UGT1A10: variants seen among roughly 807,000 people sequenced by gnomAD.
UGT1A10 encodes the protein UDP glucuronosyltransferase family 1 member A10.
Under a neutral mutation model 45.8 loss-of-function variants are expected in UGT1A10, and 49 were observed. That is an observed-to-expected ratio of 1.07 (90% confidence interval 0.85 to 1.36). UGT1A10 has a LOEUF of 1.36. Among genes scored for constraint, UGT1A10 ranks in the 40% most tolerant of loss-of-function variants. UGT1A10 has a pLI of 0.00. For missense variants in UGT1A10, 745 were observed against 668.6 expected (o/e 1.11, Z -1.26); for synonymous variants, 284 against 249.7 (o/e 1.14, Z -1.29).
chr2:233,751,561 A>T (rs1575707240), intron 1 of UGT1A10, among the ~76,000 whole-genome samples: 1 of 152,202 alleles, frequency 6.6e-6, no homozygotes, highest in African/African-American at 2.4e-5. Flanking sequence ...TCTCATCTCA[A>T]ATTGTAATCT....
intron 1 of UGT1A10, among the ~76,000 whole-genome samples, chr2:233,766,756 G>A (rs1351928821): frequency 2.0e-5 from 3 of 152,168 alleles, no homozygotes; most frequent in Non-Finnish European, 4.4e-5. Flanking sequence ...GTGCATGTGT[G>A]TGCATGTACC....
chr2:233,735,770 G>A (rs1420645187), intron 1 of UGT1A10, among the ~76,000 whole-genome samples: 1 of 152,120 alleles, frequency 6.6e-6, no homozygotes, highest in Non-Finnish European at 1.5e-5. Flanking sequence ...CACTTATGAA[G>A]CTTACTTTGG....
chr2:233,665,111 G>A (rs1259058178), intron 1 of UGT1A10, among the ~76,000 whole-genome samples: 8 of 152,184 alleles, frequency 5.3e-5, no homozygotes, highest in Non-Finnish European at 7.3e-5. Context: ...TTGTTAAAAT[G>A]TAGTACCAGG....
At chr2:233,645,043 C>A (rs1186121228) in intron 1 of UGT1A10, among the ~76,000 whole-genome samples, 1 of 152,054 alleles carries the variant, frequency 6.6e-6, no homozygotes, top group African/African-American at 2.4e-5. Flanking sequence ...CACTTTGACA[C>A]CTTTAGGGTT....
chr2:233,743,704 C>A (rs773531190), intron 1 of UGT1A10: 3 of 1,367,360 alleles, frequency 2.2e-6, no homozygotes, highest in Non-Finnish European at 2.9e-6. Context: ...CCTCCGCCCC[C>A]GCCTCGCCAT....
intron 1 of UGT1A10, chr2:233,760,565 T>C (rs2125985983): frequency 6.2e-7 from 1 of 1,614,264 alleles, no homozygotes; most frequent in Non-Finnish European, 8.5e-7. Context: ...GAGTCTTTTG[T>C]TAGTCTCGGG....
At chr2:233,752,715 G>T (rs1184638783) in intron 1 of UGT1A10, among the ~76,000 whole-genome samples, 2 of 152,110 alleles carry the variant, frequency 1.3e-5, no homozygotes, top group African/African-American at 4.8e-5. Flanking sequence ...ATCTTGCCTA[G>T]GCAACAGCTA....
chr2:233,702,996 T>G (rs577150100), intron 1 of UGT1A10, among the ~76,000 whole-genome samples: 1 of 152,328 alleles, frequency 6.6e-6, no homozygotes, highest in Admixed American at 6.5e-5. Flanking sequence ...TTCTCTTCTA[T>G]TTTTTGGGAA....
At chr2:233,713,443 C>G (rs1477253039) in intron 1 of UGT1A10, 1 of 1,614,054 alleles carries the variant, frequency 6.2e-7, no homozygotes, top group African/African-American at 1.3e-5. Context: ...GTGGTTCTAA[C>G]AGACCCCTTT....
chr2:233,656,817 C>T (rs116401715), intron 1 of UGT1A10, among the ~76,000 whole-genome samples: 3,398 of 152,136 alleles, frequency 0.022, 116 homozygotes, highest in African/African-American at 0.077. Flanking sequence ...GGGAGACGGG[C>T]GGCACTTAGT....
rs10445705 is a variant in UGT1A10 at position 233,768,141 on chromosome 2, G to A, written c.1076-79G>A. Reference sequence around the variant, plus strand: ...ATGTGAGTAACACTGAGTCTTTGGAGTGTTTTCAGAACCTAGATGTGTCCA... The same window carrying A: ...ATGTGAGTAACACTGAGTCTTTGGAATGTTTTCAGAACCTAGATGTGTCCA... On this transcript the variant is annotated intron_variant, in intron 3 of 4. Coordinates refer to ENST00000344644, the MANE Select transcript of UGT1A10 (RefSeq NM_019075.4). The A allele has an allele frequency of 3.8e-3, 6,135 of 1,610,076 alleles. 218 individuals carry two copies. The African/African-American group carries it at 0.07, about 18-fold the overall frequency.
At chr2:233,733,656 C>T (rs1449340604) in intron 1 of UGT1A10, among the ~76,000 whole-genome samples, 11 of 152,054 alleles carry the variant, frequency 7.2e-5, no homozygotes, top group African/African-American at 1.7e-4. Context: ...AGGATGAAGC[C>T]GACTTGATCG....
In UGT1A10 at chr2:233,683,409, C is replaced by T. The variant is rs189182574; in HGVS notation, c.855+46032C>T. Among the ~76,000 whole-genome samples, 90 of 152,140 alleles carry T rather than the reference C, an allele frequency of 5.9e-4. 1 individual carries two copies. The highest frequency in any genetic ancestry group is 5.2e-3 in the Admixed American group (79 of 15,282). On this transcript the variant is annotated intron_variant, in intron 1 of 4. Coordinates refer to ENST00000344644, the MANE Select transcript of UGT1A10 (RefSeq NM_019075.4). The stretch of plus-strand genomic sequence containing the variant: ...GATTGATAGAGATTTAAGTGTTTTC[C>T]ACTTTTGGGGTTTATGAGCAATAAT...
chr2:233,672,016 C>T (rs770459462), intron 1 of UGT1A10: 2 of 1,614,104 alleles, frequency 1.2e-6, no homozygotes, highest in East Asian at 2.2e-5. Context: ...GGCAGGGAAG[C>T]TACTGGTAGT....
chr2:233,709,930 C>G (rs919576895), intron 1 of UGT1A10, among the ~76,000 whole-genome samples: 1 of 151,902 alleles, frequency 6.6e-6, no homozygotes, highest in African/African-American at 2.4e-5. Context: ...CCTTAGGCAA[C>G]CCTGGATGGT....
At chr2:233,696,327 T>A (rs1423813795) in intron 1 of UGT1A10, among the ~76,000 whole-genome samples, 1 of 152,236 alleles carries the variant, frequency 6.6e-6, no homozygotes, top group Non-Finnish European at 1.5e-5. Context: ...CATCCTCATT[T>A]CCTTATACAG....
intron 1 of UGT1A10, among the ~76,000 whole-genome samples, chr2:233,730,785 G>C (rs1273458809): frequency 1.3e-5 from 2 of 152,122 alleles, no homozygotes; most frequent in Non-Finnish European, 2.9e-5. Flanking sequence ...TGAAGCTGGG[G>C]ACAGTGATGA....
chr2:233,682,903 CT>C, intron 1 of UGT1A10: 1 of 1,501,494 alleles, frequency 6.7e-7, no homozygotes, highest in South Asian at 1.4e-5. Context: ...GAATTTCTTT[CT>C]GGTTTAAGGA....
chr2:233,676,121 C>G (rs553203666), intron 1 of UGT1A10, among the ~76,000 whole-genome samples: 3 of 152,128 alleles, frequency 2.0e-5, no homozygotes, highest in African/African-American at 7.2e-5. Flanking sequence ...ACAGAAGACC[C>G]ACCCTGGGGT....
Sources: allele counts gnomAD v4.1 joint callset (sites outside exome capture counted in the v4.1 genomes callset), GRCh38; gene constraint gnomAD v4.1.1; transcripts MANE v1.5; gene names NCBI Gene and HGNC (gene_info 2026-07-23, HGNC 2026-07-21).